Variants in INSYN2B observed in about 807,000 individuals in gnomAD.
The protein encoded by INSYN2B is protein INSYN2B.
A neutral mutation model predicts 41.2 loss-of-function variants in INSYN2B; 16 were observed. The observed-to-expected ratio is 0.39, with a 90% CI of 0.26 to 0.59. The LOEUF is 0.59. Ranked by LOEUF, INSYN2B falls within the 20% of genes least tolerant of loss-of-function variation. The pLI is 0.57. For synonymous variants in INSYN2B, 245 were observed against 244.4 expected (o/e 1.00, Z -0.02); for missense variants, 608 against 646.4 (o/e 0.94, Z 0.64).
At chr5:169,893,704 A>C (rs546170141) in intron 1 of INSYN2B, among the ~76,000 whole-genome samples, 1 of 152,306 alleles carries the variant, frequency 6.6e-6, no homozygotes, top group Non-Finnish European at 1.5e-5. Flanking sequence ...CCAGAAAAAA[A>C]CAACAGGAAG....
chr5:169,957,838 C>T (rs181502925), intron 1 of INSYN2B, among the ~76,000 whole-genome samples: 1 of 152,292 alleles, frequency 6.6e-6, no homozygotes, highest in East Asian at 1.9e-4. Context: ...CTCCCCTGCT[C>T]CCCACCTGCA....
chr5:169,927,145 G>T (rs1277400007), intron 1 of INSYN2B, among the ~76,000 whole-genome samples: 6 of 152,222 alleles, frequency 3.9e-5, no homozygotes, highest in African/African-American at 7.2e-5. Context: ...GCAAACATTT[G>T]CAAAAGTTCA....
chr5:169,964,160 T>TG (rs1430681769), intron 1 of INSYN2B, among the ~76,000 whole-genome samples: 1 of 152,148 alleles, frequency 6.6e-6, no homozygotes, highest in Non-Finnish European at 1.5e-5. Context: ...GATGCAGATT[T>TG]GGGGGAACTC....
chr5:169,925,548 C>A (rs373422083), intron 1 of INSYN2B, among the ~76,000 whole-genome samples: 1 of 143,532 alleles, frequency 7.0e-6, no homozygotes, highest in South Asian at 2.2e-4. Flanking sequence ...CCACTGAACT[C>A]CAGCCTGGGC....
At chr5:169,927,823 A>C (rs993347508) in intron 1 of INSYN2B, among the ~76,000 whole-genome samples, 1 of 152,134 alleles carries the variant, frequency 6.6e-6, no homozygotes, top group African/African-American at 2.4e-5. Flanking sequence ...TCACTGTGTT[A>C]GCCAGGATGG....
In INSYN2B at chr5:169,883,333, G is replaced by T. The variant is rs1447889394; in HGVS notation, c.566C>A (p.Ala189Glu). Residue 189 changes from alanine (A) to glutamate (E), a missense_variant, in exon 2 of 4, where the codon GCA becomes GAA. Physicochemically the swap from Ala to Glu is moderately radical, Grantham distance 107. Transcript: ENST00000377365. ...TTTCTCTAAGGACCTCCAAGTTCCT[G>T]CTTCCAAGCATATGCTAACAGGACC... ...SNGPVSICLE[A>E]GTWRSLEKAT... is the part of the protein sequence containing the mutation. 1 of 1,551,594 alleles carries T rather than the reference G, an allele frequency of 6.4e-7. No individual in the cohort carries two copies. The highest frequency in any genetic ancestry group is 8.7e-7 in the Non-Finnish European group (1 of 1,146,912).
chr5:169,932,903 C>T (rs1775823565), intron 1 of INSYN2B, among the ~76,000 whole-genome samples: 1 of 150,734 alleles, frequency 6.6e-6, no homozygotes, highest in South Asian at 2.1e-4. Flanking sequence ...AGTACCAATC[C>T]TGCATCCTCA....
chr5:169,880,630 G>C (rs905454617), intron 3 of INSYN2B, among the ~76,000 whole-genome samples: 1 of 152,156 alleles, frequency 6.6e-6, no homozygotes, highest in Non-Finnish European at 1.5e-5. Context: ...TTGTTCAGAG[G>C]TTTGCAGTTA....
chr5:169,940,651 T>C (rs891206743), intron 1 of INSYN2B, among the ~76,000 whole-genome samples: 2 of 152,152 alleles, frequency 1.3e-5, no homozygotes, highest in African/African-American at 2.4e-5. Flanking sequence ...GCAACTTAGA[T>C]CCCTCACATG....
At chr5:169,957,137 C>A (rs1776902928) in intron 1 of INSYN2B, among the ~76,000 whole-genome samples, 1 of 152,104 alleles carries the variant, frequency 6.6e-6, no homozygotes, top group South Asian at 2.1e-4. Context: ...AGGGCAGGGA[C>A]TATGTGTGAT....
chr5:169,912,148 G>C (rs1290962429), intron 1 of INSYN2B, among the ~76,000 whole-genome samples: 1 of 152,160 alleles, frequency 6.6e-6, no homozygotes, highest in Non-Finnish European at 1.5e-5. Context: ...AAAGGAAAGC[G>C]ACTATTATTT....
At chr5:169,907,712 C>A (rs2113608039) in intron 1 of INSYN2B, among the ~76,000 whole-genome samples, 1 of 152,264 alleles carries the variant, frequency 6.6e-6, no homozygotes, top group African/African-American at 2.4e-5. Flanking sequence ...GGAAATGAAC[C>A]AGGCCTGACT....
intron 3 of INSYN2B, among the ~76,000 whole-genome samples, chr5:169,871,815 G>C (rs1442008271): frequency 6.6e-6 from 1 of 152,218 alleles, no homozygotes; most frequent in African/African-American, 2.4e-5. Context: ...TTATGGACCA[G>C]CTGACCAGTC....
rs75216054 is a variant in INSYN2B at position 169,938,437 on chromosome 5, G to C, written c.-919+41840C>G. ...ATAAGGTAGAGCCTATTGCTCCTACGCTGTAAACCTGTATAGCATGTTACT... is the reference window on the plus strand; with the variant it reads ...ATAAGGTAGAGCCTATTGCTCCTACCCTGTAAACCTGTATAGCATGTTACT... On this transcript the variant is annotated intron_variant, in intron 1 of 3. Transcript: ENST00000377365. 0.013 allele frequency among the ~76,000 whole-genome samples: 1,908 copies of C among 152,244 alleles called. 77 individuals carry two copies. In the East Asian group the frequency reaches 0.13, roughly 11 times the overall value.
intron 1 of INSYN2B, among the ~76,000 whole-genome samples, chr5:169,912,689 A>T (rs60709261): frequency 0.019 from 2,846 of 152,200 alleles, 88 homozygotes; most frequent in African/African-American, 0.066. Context: ...CCCATAATGT[A>T]TGAAGGTAGT....
chr5:169,954,430 G>A (rs971765202), intron 1 of INSYN2B, among the ~76,000 whole-genome samples: 1 of 151,974 alleles, frequency 6.6e-6, no homozygotes, highest in African/African-American at 2.4e-5. Context: ...GTATTTTGAA[G>A]CCCCAAAAAA....
At chr5:169,964,008 T>C (rs1777196603) in intron 1 of INSYN2B, among the ~76,000 whole-genome samples, 2 of 151,902 alleles carry the variant, frequency 1.3e-5, no homozygotes. Context: ...CCTACCCTCA[T>C]GGAAGTGGCA....
intron 1 of INSYN2B, among the ~76,000 whole-genome samples, chr5:169,930,033 C>G (rs920383500): frequency 6.6e-6 from 1 of 152,100 alleles, no homozygotes; most frequent in Non-Finnish European, 1.5e-5. Flanking sequence ...GCTCTGTCAC[C>G]AGGCTGGAGT....
intron 1 of INSYN2B, among the ~76,000 whole-genome samples, chr5:169,958,382 G>A (rs1339108962): frequency 6.6e-6 from 1 of 152,166 alleles, no homozygotes; most frequent in African/African-American, 2.4e-5. Context: ...AAAAGCAAGA[G>A]GAGGGCAAAC....
Sources: allele counts gnomAD v4.1 joint callset (sites outside exome capture counted in the v4.1 genomes callset), GRCh38; gene constraint gnomAD v4.1.1; transcripts MANE v1.5; gene names NCBI Gene and HGNC (gene_info 2026-07-23, HGNC 2026-07-21).